Variants in PSD3 observed in about 807,000 individuals in gnomAD.
PSD3 encodes the protein pleckstrin and Sec7 domain containing 3, also known as PH and SEC7 domain-containing protein 3.
In PSD3, 49 loss-of-function variants were observed where a neutral mutation model predicts 105.5. The observed-to-expected ratio is 0.46, with a 90% confidence interval of 0.37 to 0.59. PSD3 has a LOEUF of 0.59. Among genes scored for constraint, PSD3 ranks in the 20% least tolerant of loss-of-function variants. The pLI, the probability that PSD3 is intolerant of heterozygous loss-of-function variation, is 0.00. For missense variants in PSD3, 1,561 were observed against 1,263.8 expected (o/e 1.24, Z -3.57); for synonymous variants, 557 against 457.8 (o/e 1.22, Z -2.77).
chr8:18,874,277 C>T (rs1817589020), intron 2 of PSD3, among the ~76,000 whole-genome samples: 1 of 151,742 alleles, frequency 6.6e-6, no homozygotes, highest in South Asian at 2.1e-4. Context: ...TTCTTCTGCC[C>T]CAGTCTCCAG....
chr8:18,851,499 C>A (rs754868828), intron 4 of PSD3, among the ~76,000 whole-genome samples: 2 of 152,240 alleles, frequency 1.3e-5, no homozygotes, highest in Admixed American at 1.3e-4. Context: ...TGGATTCAGA[C>A]CAGCCCTCTG....
chr8:18,948,000 T>G (rs932693153), intron 1 of PSD3, among the ~76,000 whole-genome samples: 2 of 152,138 alleles, frequency 1.3e-5, no homozygotes, highest in Non-Finnish European at 1.5e-5. Context: ...ATGAAAGAAT[T>G]TGAAGAAAAT....
At chr8:18,886,098 G>A (rs1397328691) in intron 2 of PSD3, among the ~76,000 whole-genome samples, 1 of 152,060 alleles carries the variant, frequency 6.6e-6, no homozygotes, top group Non-Finnish European at 1.5e-5. Context: ...AACTGGAGGG[G>A]TAGCCTGTTT....
At chr8:18,786,096 C>T (rs750899190) in intron 8 of PSD3, among the ~76,000 whole-genome samples, 1 of 152,096 alleles carries the variant, frequency 6.6e-6, no homozygotes, top group Admixed American at 6.5e-5. Context: ...CCCAGCTGCT[C>T]GGGAGGCTGA....
chr8:18,744,156 G>A (rs983569892), intron 9 of PSD3, among the ~76,000 whole-genome samples: 2 of 152,054 alleles, frequency 1.3e-5, no homozygotes, highest in South Asian at 2.1e-4. Flanking sequence ...TAATAATTAG[G>A]TAATCATATT....
At chr8:18,577,804 G>T (rs1677584560) in intron 12 of PSD3, among the ~76,000 whole-genome samples, 1 of 152,062 alleles carries the variant, frequency 6.6e-6, no homozygotes, top group Non-Finnish European at 1.5e-5. Flanking sequence ...TTTGAATTTA[G>T]ATTATACATT....
intron 2 of PSD3, among the ~76,000 whole-genome samples, chr8:18,899,773 G>C (rs1460472324): frequency 6.6e-6 from 1 of 152,016 alleles, no homozygotes; most frequent in Non-Finnish European, 1.5e-5. Context: ...TTGTTGTTCA[G>C]GTCTTCTTGT....
intron 10 of PSD3, among the ~76,000 whole-genome samples, chr8:18,650,721 G>A (rs1019973230): frequency 6.6e-6 from 1 of 152,186 alleles, no homozygotes; most frequent in African/African-American, 2.4e-5. Flanking sequence ...ATAAATAAAT[G>A]ATCCTTGCTA....
intron 9 of PSD3, among the ~76,000 whole-genome samples, chr8:18,664,954 T>C (rs150791522): frequency 6.6e-6 from 1 of 152,300 alleles, no homozygotes; most frequent in East Asian, 1.9e-4. Flanking sequence ...TCGAGACCTA[T>C]TGCTCAGAAA....
intron 9 of PSD3, among the ~76,000 whole-genome samples, chr8:18,701,026 T>C (rs971866123): frequency 5.9e-5 from 9 of 152,124 alleles, no homozygotes; most frequent in East Asian, 3.9e-4. Flanking sequence ...GAGTGCAGTG[T>C]TGTGATCATG....
chr8:18,889,881 A>G (rs1818676137), intron 2 of PSD3, among the ~76,000 whole-genome samples: 1 of 152,176 alleles, frequency 6.6e-6, no homozygotes, highest in Non-Finnish European at 1.5e-5. Context: ...GTATTTCCAG[A>G]CTCGAAAGTC....
At chr8:18,665,149 G>A (rs1799376957) in intron 9 of PSD3, among the ~76,000 whole-genome samples, 1 of 152,198 alleles carries the variant, frequency 6.6e-6, no homozygotes, top group African/African-American at 2.4e-5. Context: ...CATTTCACAA[G>A]GCTGTAACTG....
chr8:18,618,513 T>A (rs1381535468), intron 11 of PSD3, among the ~76,000 whole-genome samples: 1 of 140,646 alleles, frequency 7.1e-6, no homozygotes, highest in Non-Finnish European at 1.6e-5. Context: ...TTGCTGTATC[T>A]ATCATATTTT....
rs1048160723 is a variant in PSD3, at chr8:18,529,331, C to G, written c.*6412G>C. ...AACATCTGTGATGCAGTTTCCACCC[C>G]CTCTGTTCATCACCTCTTTAGAATA... is the stretch of plus-strand genomic sequence containing the variant. On this transcript the variant is annotated 3_prime_UTR_variant, in exon 16 of 16. Coordinates refer to ENST00000327040, the MANE Select transcript of PSD3 (RefSeq NM_015310.4). The G allele has an allele frequency of 5.3e-5, 8 of 152,182 alleles. No homozygotes were observed. The highest frequency in any genetic ancestry group is 9.7e-5 in the African/African-American group (4 of 41,436). The allele number at this position is 152,182 out of a possible 1,614,324, so 9.4% of individuals were successfully genotyped here.
At chr8:18,976,719 G>A (rs76589425) in intron 1 of PSD3, among the ~76,000 whole-genome samples, 2,731 of 152,242 alleles carry the variant, frequency 0.018, 90 homozygotes, top group African/African-American at 0.063. Context: ...ATCACAGATC[G>A]TACTATGTAG....
chr8:18,547,018 T>C (rs1800490573), intron 15 of PSD3, among the ~76,000 whole-genome samples: 1 of 152,140 alleles, frequency 6.6e-6, no homozygotes, highest in Non-Finnish European at 1.5e-5. Flanking sequence ...TCTGGGCTGT[T>C]TCTCTAGACA....
chr8:18,864,976 C>G (rs1816713921), intron 4 of PSD3: 1 of 151,734 alleles, frequency 6.6e-6, no homozygotes, highest in Admixed American at 6.6e-5. Context: ...ACAACAACAA[C>G]AAGCAGCTCT....
At chr8:18,742,230 C>T (rs1360820422) in intron 9 of PSD3, among the ~76,000 whole-genome samples, 1 of 152,072 alleles carries the variant, frequency 6.6e-6, no homozygotes, top group African/African-American at 2.4e-5. Context: ...GTATACTTTG[C>T]TTTATATATG....
At chr8:18,779,711 T>A (rs1264426501) in intron 8 of PSD3, among the ~76,000 whole-genome samples, 1 of 152,204 alleles carries the variant, frequency 6.6e-6, no homozygotes, top group African/African-American at 2.4e-5. Flanking sequence ...CTCATAATTG[T>A]GGCTTAATTT....
Sources: gnomAD v4.1 joint callset for allele counts (sites outside exome capture counted in the v4.1 genomes callset) on GRCh38, gnomAD v4.1.1 for gene constraint, MANE v1.5 for transcripts, NCBI Gene and HGNC (gene_info 2026-07-23, HGNC 2026-07-21) for gene names.